POLD1: variants seen among roughly 807,000 people sequenced by gnomAD.
The protein encoded by POLD1 is DNA polymerase delta 1, catalytic subunit, also known as DNA polymerase delta catalytic subunit.
POLD1 carries 79 observed loss-of-function variants against 129.7 expected under a neutral mutation model. That is an observed-to-expected ratio of 0.61 (90% CI 0.51 to 0.73). POLD1 has a LOEUF of 0.73. Ranked by LOEUF, POLD1 falls within the 30% of genes least tolerant of loss-of-function variation. POLD1 has a pLI of 0.00. For missense variants in POLD1, 1,338 were observed against 1,595.8 expected, an observed-to-expected ratio of 0.84 and a Z score of 2.75; for synonymous variants, 714 against 683.3, an observed-to-expected ratio of 1.04 and a Z score of -0.70.
Position 50,402,689 on chromosome 19 carries a change from C to T in POLD1, c.918C>T (p.Arg306=), listed in dbSNP as rs878854559. The T allele has an allele frequency of 6.2e-7, 1 of 1,601,050 alleles. No individual in the cohort carries two copies. The highest frequency in any genetic ancestry group is 1.7e-5 in the Admixed American group (1 of 59,162). Residue 306 remains arginine (R), a synonymous_variant, in exon 8 of 27, where the codon CGC becomes CGT. Coordinates refer to ENST00000440232, the MANE Select transcript of POLD1 (RefSeq NM_002691.4). ...ACCCACCGGAAGGGCCATGGCAGCG[C>T]ATTGCGCCCTTGCGCGTGCTCAGCT... ...VSHPPEGPWQ[R]IAPLRVLSFD... is the part of the protein sequence containing the mutation.
At position 50,406,652 on chromosome 19, in the gene POLD1, T is replaced by C. The variant is rs2038897515; in HGVS notation, c.1494+135T>C. On this transcript the variant is annotated intron_variant, in intron 12 of 26. Transcript: ENST00000440232. This position sits in a 1 kb window ranked among gnomAD's most constrained non-coding sequence, Gnocchi z 5.5. ...TGCTGTTATGACCTGTGACCTTACC[T>C]GACGCCCACTTTTTCCTGACCTCTG... The C allele has an allele frequency of 1.4e-6, 1 of 691,996 alleles. No individual in the cohort carries two copies. Among genetic ancestry groups the C allele is most frequent in the South Asian group, 1.7e-5 (1 of 58,604 alleles). The allele number at this position is 691,996 out of a possible 1,614,324, so 42.9% of individuals were successfully genotyped here. A position where few individuals can be genotyped will look rare whatever the true frequency, so the allele number is the denominator to read the frequency against.
rs2122314931 is a variant in POLD1, at chr19:50,406,152, C to T, written c.1243-30C>T. The T allele has an allele frequency of 6.2e-7, 1 of 1,602,748 alleles. No individual in the cohort carries two copies. On this transcript the variant is annotated intron_variant, in intron 10 of 26. Transcript: ENST00000440232. The surrounding 1 kb of genome is among the most constrained non-coding windows in gnomAD (Gnocchi z 5.5). ...AGGCTTATGTGACGGGGACCCGCAG[C>T]CTGCTGCACACCCTGCCTCTCCTCC... is the stretch of plus-strand genomic sequence containing the variant.
intron 14 of POLD1, among the ~76,000 whole-genome samples, chr19:50,407,785 C>CT (rs2038953033): frequency 6.9e-6 from 1 of 144,788 alleles, no homozygotes; most frequent in Non-Finnish European, 1.5e-5. Flanking sequence ...CCGTGTTAGC[C>CT]AGGATGGTCT....
At chr19:50,399,547 G>A in intron 3 of POLD1, 63 bp downstream of exon 3, 1 of 1,273,720 alleles carries the variant, frequency 7.9e-7, no homozygotes, top group Non-Finnish European at 1.1e-6. Flanking sequence ...GGCCGGGCCA[G>A]GTCAGCCCCT....
intron 1 of POLD1, 102 bp downstream of exon 1, chr19:50,384,492 C>CT (rs1386324334): frequency 6.6e-6 from 1 of 152,152 alleles, no homozygotes; most frequent in East Asian, 2.0e-4. Flanking sequence ...CGAGGGCACC[C>CT]TTTGGCCCGG....
intron 8 of POLD1, 71 bp downstream of exon 8, chr19:50,402,812 G>T: frequency 6.5e-7 from 1 of 1,532,044 alleles, no homozygotes. Flanking sequence ...AGGCAGGTCC[G>T]GTGGAGGGAA....
rs2122261382 is a variant in POLD1, at chr19:50,402,745, T to C, written c.970+4T>C. On this transcript the variant is annotated splice_donor_region_variant and intron_variant, in intron 8 of 26. Coordinates refer to ENST00000440232, the MANE Select transcript of POLD1 (RefSeq NM_002691.4). ...ATCGAGTGCGCCGGCCGCAAAGGTC[T>C]GTCCCCGGGCCCGGGCTCCTGCCCG... 6.3e-7 allele frequency: 1 copy of C among 1,583,836 alleles called. No homozygotes were observed. The highest frequency in any genetic ancestry group is 8.6e-7 in the Non-Finnish European group (1 of 1,160,128).
chr19:50,413,492 G>A lies in POLD1; in HGVS notation c.2221G>A (p.Val741Met), dbSNP rs2039160475. ...TKQLVESKYT[V>M]ENGYSTSAKV... ...GCAGCTGGTGGAGTCTAAGTACACAGTGGAGAATGGCTACAGCACCAGTGC... is the reference window on the plus strand; with the variant it reads ...GCAGCTGGTGGAGTCTAAGTACACAATGGAGAATGGCTACAGCACCAGTGC... The change falls in exon 18 of 27, where the codon GTG becomes ATG. Residue 741 changes from valine (V) to methionine (M), a missense_variant. Physicochemically the swap from Val to Met is conservative, Grantham distance 21. Around this residue, in one of 3 missense-constraint regions of POLD1, gnomAD observed 720 missense variants for 1,002.6 expected, o/e 0.72. Transcript: ENST00000440232. 6.2e-7 allele frequency: 1 copy of A among 1,612,190 alleles called. No individual in the cohort carries two copies. Among genetic ancestry groups the A allele is most frequent in the Non-Finnish European group, 8.5e-7 (1 of 1,179,052 alleles).
In POLD1 at chr19:50,401,996, C is replaced by G. The variant is rs763043420; in HGVS notation, c.464-3C>G. 1 of 1,614,138 alleles carries G rather than the reference C, an allele frequency of 6.2e-7. No individual in the cohort carries two copies. The highest frequency in any genetic ancestry group is 8.5e-7 in the Non-Finnish European group (1 of 1,180,004). On this transcript the variant is annotated splice_polypyrimidine_tract_variant and splice_region_variant and intron_variant, in intron 4 of 26. Coordinates refer to ENST00000440232, the MANE Select transcript of POLD1 (RefSeq NM_002691.4). ...GCACCTCTGATCATCCCTCCCACAC[C>G]AGGTTTCGGGCCCGAGCACATGGGT... is the stretch of plus-strand genomic sequence containing the variant.
In POLD1 at chr19:50,408,911, C is replaced by T. The variant is rs1057524154; in HGVS notation, c.1892+10C>T. On this transcript the variant is annotated intron_variant, in intron 15 of 26. Transcript: ENST00000440232. ...CTGCACAGAAACTGGGGTATAGTGC[C>T]CAATTCAGCATGTGTCCCCCGAGGC... 1.9e-6 allele frequency: 3 copies of T among 1,604,470 alleles called. No homozygotes were observed. Among genetic ancestry groups the T allele is most frequent in the Admixed American group, 1.7e-5 (1 of 59,026 alleles).
rs1333627312 is a variant in POLD1 at position 50,402,302 on chromosome 19, G to C, written c.687G>C (p.Gln229His). The change falls in exon 6 of 27, where the codon CAG becomes CAC. Residue 229 changes from glutamine (Q) to histidine (H), a missense_variant. This residue lies in a region of POLD1 where 720 missense variants were observed against 1,002.6 expected (regional missense o/e 0.72). Transcript: ENST00000440232. ...CCCCGGCCCGCCGTCTCCTGGAACA[G>C]GGCATCCGTGTGGCAGGCCTGGGCA... Reference protein sequence around the residue: ...LVAPARRLLEQGIRVAGLGTP... With the variant: ...LVAPARRLLEHGIRVAGLGTP... The C allele has an allele frequency of 1.2e-6, 2 of 1,611,006 alleles. 1 individual carries two copies. The highest frequency in any genetic ancestry group is 2.7e-5 in the African/African-American group (2 of 74,882).
At chr19:50,415,668 C>A in intron 21 of POLD1, 56 bp from the exon 22 acceptor site, 2 of 1,457,800 alleles carry the variant, frequency 1.4e-6, no homozygotes, top group Non-Finnish European at 1.9e-6. Context: ...TACACCCTCG[C>A]CCCCACCCCC....
chr19:50,396,014 A>G (rs1480367870), intron 1 of POLD1, among the ~76,000 whole-genome samples: 1 of 148,294 alleles, frequency 6.7e-6, no homozygotes, highest in South Asian at 2.2e-4. Flanking sequence ...CACTATGCCC[A>G]GTGAACTTTT....
At chr19:50,387,964 T>A (rs908787330) in intron 1 of POLD1, among the ~76,000 whole-genome samples, 1 of 152,170 alleles carries the variant, frequency 6.6e-6, no homozygotes, top group Non-Finnish European at 1.5e-5. Context: ...TCAGACGTGT[T>A]CTAGCCATAC....
At chr19:50,398,702 C>G (rs564574437) in intron 1 of POLD1, 149 bp from the exon 2 acceptor site, 2 of 1,329,412 alleles carry the variant, frequency 1.5e-6, no homozygotes, top group African/African-American at 3.0e-5. Context: ...TCCCACCCCA[C>G]TGCCTGCAGG....
chr19:50,403,620 G>C lies in POLD1; in HGVS notation c.1242+23G>C, dbSNP rs775681934. ...AAGGTGAGGGCTGGGCAGGTGGGAG[G>C]CTTCTCTCAGATGCCCCAGGTGTGG... On this transcript the variant is annotated intron_variant, in intron 10 of 26. Coordinates refer to ENST00000440232, the MANE Select transcript of POLD1 (RefSeq NM_002691.4). 4 of 1,494,912 alleles carry C rather than the reference G, an allele frequency of 2.7e-6. No individual in the cohort carries two copies. The South Asian group carries it at 4.5e-5, about 17-fold the overall frequency. 92.6% of individuals were successfully genotyped at this position (1,494,912 alleles called of 1,614,324 possible). A position where few individuals can be genotyped will look rare whatever the true frequency, so the allele number is the denominator to read the frequency against.
At chr19:50,415,312 G>A in intron 20 of POLD1, 126 bp from the exon 21 acceptor site, 1 of 948,078 alleles carries the variant, frequency 1.1e-6, no homozygotes. Context: ...ATGGTAGGAA[G>A]GGCCCCTCTC....
At chr19:50,401,355 T>TGTGTG (rs1568617748) in intron 3 of POLD1, among the ~76,000 whole-genome samples, 3 of 123,770 alleles carry the variant, frequency 2.4e-5, no homozygotes, top group African/African-American at 1.0e-4. Context: ...GTGTGTGTAT[T>TGTGTG]TGTGTATATG....
rs2122495041 is a variant in POLD1, at chr19:50,416,605, T to C, written c.2954-5T>C. 1 of 1,557,188 alleles carries C rather than the reference T, an allele frequency of 6.4e-7. No homozygotes were observed. Among genetic ancestry groups the C allele is most frequent in the African/African-American group, 1.4e-5 (1 of 73,678 alleles). On this transcript the variant is annotated splice_polypyrimidine_tract_variant and splice_region_variant and intron_variant, in intron 23 of 26. Transcript: ENST00000440232. ...CCGGCCCACCACCTGCCTCCTCTCCTGCAGGGGGGGACCACACGCGCTGCA... is the reference window on the plus strand; with the variant it reads ...CCGGCCCACCACCTGCCTCCTCTCCCGCAGGGGGGGACCACACGCGCTGCA...
Sources: gnomAD v4.1 joint callset for allele counts (sites outside exome capture counted in the v4.1 genomes callset) on GRCh38, gnomAD v4.1.1 for gene constraint, gnomAD v4.1.1 regional missense constraint, Gnocchi (gnomAD v3.1) non-coding constraint, MANE v1.5 for transcripts, NCBI Gene and HGNC (gene_info 2026-07-23, HGNC 2026-07-21) for gene names.